Variants in FSHR observed in about 807,000 individuals in gnomAD.
FSHR encodes the protein follicle stimulating hormone receptor.
Under a neutral mutation model 52.1 loss-of-function variants are expected in FSHR, and 46 were observed. That is an observed-to-expected ratio of 0.88 (90% CI 0.70 to 1.13). FSHR has a LOEUF of 1.13. FSHR is among the 50% of genes most tolerant of loss of function. The pLI is 0.00. For missense variants in FSHR, 964 were observed against 834.6 expected, an observed-to-expected ratio of 1.16 and a Z score of -1.91; for synonymous variants, 399 against 309.6, an observed-to-expected ratio of 1.29 and a Z score of -3.03.
At chr2:49,149,044 G>C (rs149025537) in intron 1 of FSHR, among the ~76,000 whole-genome samples, 3 of 151,868 alleles carry the variant, frequency 2.0e-5, no homozygotes, top group African/African-American at 7.2e-5. Flanking sequence ...CAGGGCCGAA[G>C]CAAAGATAAT....
At chr2:49,086,978 G>T (rs1670416989) in intron 1 of FSHR, among the ~76,000 whole-genome samples, 1 of 150,842 alleles carries the variant, frequency 6.6e-6, no homozygotes, top group Non-Finnish European at 1.5e-5. Flanking sequence ...TTTCACGTGT[G>T]GTCAATACTG....
At chr2:48,980,545 G>T (rs1675200454) in intron 8 of FSHR, among the ~76,000 whole-genome samples, 1 of 152,192 alleles carries the variant, frequency 6.6e-6, no homozygotes, top group Non-Finnish European at 1.5e-5. Flanking sequence ...CTCAGGAGAT[G>T]TTCTTCTGTG....
In FSHR at chr2:49,047,165, C is replaced by T. The variant is rs534542849; in HGVS notation, c.224+21054G>A. 8.7e-4 allele frequency among the ~76,000 whole-genome samples: 132 copies of T among 152,226 alleles called. 3 individuals carry two copies. Among genetic ancestry groups the T allele is most frequent in the Admixed American group, 8.5e-3 (129 of 15,264 alleles). On this transcript the variant is annotated intron_variant, in intron 2 of 9. Coordinates refer to ENST00000406846, the MANE Select transcript of FSHR (RefSeq NM_000145.4). ...TTTTGGGACTTGGTGCTGCAGTAAACCACCACCCTTTATCTCCCAAGTCAA... is the reference window on the plus strand; with the variant it reads ...TTTTGGGACTTGGTGCTGCAGTAAATCACCACCCTTTATCTCCCAAGTCAA...
chr2:49,076,367 G>A (rs1669950546), intron 1 of FSHR, among the ~76,000 whole-genome samples: 2 of 152,160 alleles, frequency 1.3e-5, no homozygotes, highest in Admixed American at 1.3e-4. Flanking sequence ...TTGTGCAGGG[G>A]AACTCATCTT....
At chr2:49,138,634 A>G (rs1418578164) in intron 1 of FSHR, among the ~76,000 whole-genome samples, 1 of 152,244 alleles carries the variant, frequency 6.6e-6, no homozygotes, top group East Asian at 1.9e-4. Flanking sequence ...CACTCATAAG[A>G]AAGTCCAGAA....
In FSHR at chr2:49,112,320, T is replaced by C. The variant is rs527483257; in HGVS notation, c.152+41946A>G. Among the ~76,000 whole-genome samples the C allele has an allele frequency of 2.0e-5, 3 of 152,122 alleles. 1 individual carries two copies. Among genetic ancestry groups the C allele is most frequent in the South Asian group, 4.1e-4 (2 of 4,826 alleles). ...GAATACACAAATATAACACACACAATAGAATACACACACAATAGAACACGG... is the reference window on the plus strand; with the variant it reads ...GAATACACAAATATAACACACACAACAGAATACACACACAATAGAACACGG... On this transcript the variant is annotated intron_variant, in intron 1 of 9. Coordinates refer to ENST00000406846, the MANE Select transcript of FSHR (RefSeq NM_000145.4).
In FSHR at chr2:49,068,202, C is replaced by T. The variant is rs190740256; in HGVS notation, c.224+17G>A. 5.0e-6 allele frequency: 8 copies of T among 1,599,952 alleles called. No homozygotes were observed. Among genetic ancestry groups the T allele is most frequent in the Admixed American group, 1.7e-5 (1 of 59,458 alleles). On this transcript the variant is annotated intron_variant, in intron 2 of 9. Coordinates refer to ENST00000406846, the MANE Select transcript of FSHR (RefSeq NM_000145.4). ...GCCCCCTTGAGGCATTCACTCACAG[C>T]AGTGCTAGGTACATACATTTTCTCC... is the stretch of plus-strand genomic sequence containing the variant.
At chr2:48,966,093 G>C (rs1204836430) in intron 9 of FSHR, among the ~76,000 whole-genome samples, 3 of 152,144 alleles carry the variant, frequency 2.0e-5, no homozygotes, top group Admixed American at 1.3e-4. Context: ...CTGAGCCTTA[G>C]TTTCTGTCTC....
chr2:49,070,637 T>C (rs73931514), intron 1 of FSHR, among the ~76,000 whole-genome samples: 8,927 of 152,236 alleles, frequency 0.059, 360 homozygotes, highest in East Asian at 0.19. Flanking sequence ...TAATGTCAAC[T>C]ACAAAGCATT....
intron 1 of FSHR, among the ~76,000 whole-genome samples, chr2:49,069,849 G>A (rs1328441248): frequency 6.6e-6 from 1 of 152,162 alleles, no homozygotes; most frequent in East Asian, 1.9e-4. Flanking sequence ...TTACAAGGCA[G>A]TCTGTGAGCA....
intron 2 of FSHR, among the ~76,000 whole-genome samples, chr2:49,026,638 G>A (rs764737142): frequency 6.6e-6 from 1 of 152,220 alleles, no homozygotes; most frequent in South Asian, 2.1e-4. Context: ...ACATCGGCAG[G>A]TTAGGCATAC....
At chr2:49,017,790 G>C (rs1472792231) in intron 3 of FSHR, among the ~76,000 whole-genome samples, 4 of 152,074 alleles carry the variant, frequency 2.6e-5, no homozygotes, top group Non-Finnish European at 4.4e-5. Context: ...TCTCCCTGCT[G>C]TTTCATTCTC....
At position 48,968,653 on chromosome 2, in the gene FSHR, C is replaced by T. The variant is rs190506162; in HGVS notation, c.854+45G>A. Reference sequence around the variant, plus strand: ...ATAGGTAGAAATTGTGGACAAAGTTCTACATTGGGGAAATGCCTGAGCAGG... The same window carrying T: ...ATAGGTAGAAATTGTGGACAAAGTTTTACATTGGGGAAATGCCTGAGCAGG... On this transcript the variant is annotated intron_variant, in intron 9 of 9. Transcript: ENST00000406846. 7.2e-5 allele frequency: 115 copies of T among 1,602,128 alleles called. No homozygotes were observed. The African/African-American group carries it at 1.5e-3, about 21-fold the overall frequency.
At chr2:49,148,246 C>T (rs1389503233) in intron 1 of FSHR, among the ~76,000 whole-genome samples, 2 of 151,816 alleles carry the variant, frequency 1.3e-5, no homozygotes, top group Non-Finnish European at 1.5e-5. Context: ...CTCAGTAGAC[C>T]TTGTTTCTAG....
rs182862630 is a variant in FSHR at position 49,115,688 on chromosome 2, C to T, written c.152+38578G>A. On this transcript the variant is annotated intron_variant, in intron 1 of 9. Coordinates refer to ENST00000406846, the MANE Select transcript of FSHR (RefSeq NM_000145.4). ...GACAAGGGTAAAGAAATCATGCTGT[C>T]ATGATCTACTGGCTCTGTTGCATCA... 4.0e-3 allele frequency among the ~76,000 whole-genome samples: 602 copies of T among 152,246 alleles called. 4 individuals carry two copies. Among genetic ancestry groups the T allele is most frequent in the African/African-American group, 0.014 (570 of 41,540 alleles).
Position 49,108,433 on chromosome 2 carries a change from T to A in FSHR, c.153-40143A>T, listed in dbSNP as rs985478412. ...GATACATATCCATACCTGGGTTTAT[T>A]TGCCCTCTGTCTCTAGCGTGTCTTT... On this transcript the variant is annotated intron_variant, in intron 1 of 9. Transcript: ENST00000406846. Among the ~76,000 whole-genome samples the A allele has an allele frequency of 5.9e-5, 9 of 152,160 alleles. No homozygotes were observed. The South Asian group carries it at 1.2e-3, about 21-fold the overall frequency.
intron 1 of FSHR, among the ~76,000 whole-genome samples, chr2:49,132,593 C>T (rs1672321259): frequency 6.6e-6 from 1 of 152,054 alleles, no homozygotes; most frequent in African/African-American, 2.4e-5. Context: ...ACTAATAATG[C>T]ACATGGGACA....
chr2:49,028,227 A>T (rs369128873), intron 2 of FSHR, among the ~76,000 whole-genome samples: 2 of 152,310 alleles, frequency 1.3e-5, no homozygotes, highest in South Asian at 4.2e-4. Flanking sequence ...AATAATGATG[A>T]CAATGATAAT....
intron 1 of FSHR, among the ~76,000 whole-genome samples, chr2:49,100,568 C>T (rs1024480735): frequency 6.6e-6 from 1 of 152,154 alleles, no homozygotes; most frequent in South Asian, 2.1e-4. Context: ...AATCTTCCTA[C>T]CTGGATGAGA....
Sources: gnomAD v4.1 joint callset for allele counts (sites outside exome capture counted in the v4.1 genomes callset) on GRCh38, gnomAD v4.1.1 for gene constraint, MANE v1.5 for transcripts, NCBI Gene and HGNC (gene_info 2026-07-23, HGNC 2026-07-21) for gene names.